KIF13A: variants seen among roughly 807,000 people sequenced by gnomAD.
KIF13A encodes the protein kinesin-like protein KIF13A.
A neutral mutation model predicts 212.2 loss-of-function variants in KIF13A; 79 were observed. That is an observed-to-expected ratio of 0.37 (90% CI 0.31 to 0.45). The LOEUF is 0.45. KIF13A is among the 20% of genes least tolerant of loss of function. KIF13A has a pLI of 1.00. For missense variants in KIF13A, 1,901 were observed against 2,209.0 expected (o/e 0.86, Z 2.79); for synonymous variants, 789 against 808.6 (o/e 0.98, Z 0.41).
chr6:17,847,062 G>C (rs1767138581), intron 9 of KIF13A, among the ~76,000 whole-genome samples: 1 of 152,182 alleles, frequency 6.6e-6, no homozygotes, highest in African/African-American at 2.4e-5. Flanking sequence ...TCAGAATAGT[G>C]CCTGGCATTA....
chr6:17,958,933 T>G (rs1321792401), intron 2 of KIF13A, among the ~76,000 whole-genome samples: 5 of 142,496 alleles, frequency 3.5e-5, no homozygotes. Flanking sequence ...CAGGCTAGAG[T>G]GCAGTAGTGC....
chr6:17,906,455 T>TC (rs1403696737), intron 2 of KIF13A, among the ~76,000 whole-genome samples: 106 of 141,210 alleles, frequency 7.5e-4, no homozygotes, highest in Middle Eastern at 3.8e-3. Flanking sequence ...TCTTTCTTCT[T>TC]TTTTTTTTTT....
chr6:17,888,681 T>C lies in KIF13A; in HGVS notation c.159+9487A>G, dbSNP rs1771769039. ...TCTACCAAAAAATACAAAAATTAGC[T>C]GGGCGTGGTGGCACAGGCCTGTAGT... On this transcript the variant is annotated intron_variant, in intron 3 of 38. Coordinates refer to ENST00000259711, the MANE Select transcript of KIF13A (RefSeq NM_022113.6). This position sits in a 1 kb window ranked among gnomAD's most constrained non-coding sequence, Gnocchi z 4.8. 6.6e-6 allele frequency among the ~76,000 whole-genome samples: 1 copy of C among 151,934 alleles called. No homozygotes were observed. Among genetic ancestry groups the C allele is most frequent in the African/African-American group, 2.4e-5 (1 of 41,362 alleles).
rs112306434 is a variant in KIF13A at position 17,868,210 on chromosome 6, G to C, written c.220+5167C>G. Reference sequence around the variant, plus strand: ...ACTGACCCCAGATATGCCACTACCAGACTGCTTTTTTTTTATTTTTGATAT... The same window carrying C: ...ACTGACCCCAGATATGCCACTACCACACTGCTTTTTTTTTATTTTTGATAT... On this transcript the variant is annotated intron_variant, in intron 4 of 38. Coordinates refer to ENST00000259711, the MANE Select transcript of KIF13A (RefSeq NM_022113.6). Among the ~76,000 whole-genome samples the C allele has an allele frequency of 7.0e-3, 1,071 of 152,316 alleles. 15 individuals carry two copies. Among genetic ancestry groups the C allele is most frequent in the African/African-American group, 0.024 (1,006 of 41,562 alleles).
rs751848846 is a variant in KIF13A at position 17,850,515 on chromosome 6, A to G, written c.583-58T>C. 5 of 1,514,724 alleles carry G rather than the reference A, an allele frequency of 3.3e-6. No individual in the cohort carries two copies. Among genetic ancestry groups the G allele is most frequent in the Non-Finnish European group, 4.5e-6 (5 of 1,119,816 alleles). 93.8% of individuals were successfully genotyped at this position (1,514,724 alleles called of 1,614,324 possible). On this transcript the variant is annotated intron_variant, in intron 7 of 38. Transcript: ENST00000259711. This position sits in a 1 kb window ranked among gnomAD's most constrained non-coding sequence, Gnocchi z 6.2. The stretch of plus-strand genomic sequence containing the variant: ...CAAAAACACAAGAATGTAGTCCTGC[A>G]CACCAGGTATATGTATTAATTATGA...
At chr6:17,866,826 CGCATATATATATATATAT>C (rs1262972341) in intron 4 of KIF13A, among the ~76,000 whole-genome samples, 1,936 of 122,094 alleles carry the variant, frequency 0.016, 154 homozygotes, top group African/African-American at 0.058. Context: ...AAAAAAGCAG[CGCATATATATATATATAT>C]ATATATATAT....
intron 2 of KIF13A, among the ~76,000 whole-genome samples, chr6:17,905,028 C>A (rs1773373298): frequency 6.6e-6 from 1 of 152,250 alleles, no homozygotes; most frequent in African/African-American, 2.4e-5. Context: ...ACTTGCCCAA[C>A]CCGTGGCCTA....
rs1177668974 is a variant in KIF13A, at chr6:17,789,071, T to G, written c.3261+801A>C. Among the ~76,000 whole-genome samples, 1 of 152,164 alleles carries G rather than the reference T, an allele frequency of 6.6e-6. No homozygotes were observed. Among genetic ancestry groups the G allele is most frequent in the Admixed American group, 6.5e-5 (1 of 15,274 alleles). ...GGAAGGCACACTGGGAAAACATCCT[T>G]TGAAGATGTGTATGGAGAATCCGTA... On this transcript the variant is annotated intron_variant, in intron 26 of 38. Transcript: ENST00000259711. The surrounding 1 kb of genome is among the most constrained non-coding windows in gnomAD (Gnocchi z 4.8).
At chr6:17,875,201 A>C (rs994623223) in intron 3 of KIF13A, among the ~76,000 whole-genome samples, 3 of 151,964 alleles carry the variant, frequency 2.0e-5, no homozygotes, top group African/African-American at 7.2e-5. Context: ...TGGTAGTTCT[A>C]CTTTTAGTTC....
rs1452581468 is a variant in KIF13A, at chr6:17,919,740, C to A, written c.147-21560G>T. Among the ~76,000 whole-genome samples the A allele has an allele frequency of 6.6e-6, 1 of 152,112 alleles. No homozygotes were observed. ...CAGCCGAACGGTGTCTCCTGGCAGCCCAATACTGTGACAAGAGGTGAAAGC... is the reference window on the plus strand; with the variant it reads ...CAGCCGAACGGTGTCTCCTGGCAGCACAATACTGTGACAAGAGGTGAAAGC... On this transcript the variant is annotated intron_variant, in intron 2 of 38. Transcript: ENST00000259711. This position sits in a 1 kb window ranked among gnomAD's most constrained non-coding sequence, Gnocchi z 4.1.
rs985609407 is a variant in KIF13A, at chr6:17,934,212, A to C, written c.147-36032T>G. Reference sequence around the variant, plus strand: ...TTTCCATCTCTCACACTACTGTCTAATGGCCACAGGACATTGGCCTTCTTC... The same window carrying C: ...TTTCCATCTCTCACACTACTGTCTACTGGCCACAGGACATTGGCCTTCTTC... On this transcript the variant is annotated intron_variant, in intron 2 of 38. Transcript: ENST00000259711. The surrounding 1 kb of genome is among the most constrained non-coding windows in gnomAD (Gnocchi z 5.4). 2.0e-5 allele frequency among the ~76,000 whole-genome samples: 3 copies of C among 152,302 alleles called. No individual in the cohort carries two copies. Among genetic ancestry groups the C allele is most frequent in the Non-Finnish European group, 2.9e-5 (2 of 68,030 alleles).
In KIF13A at chr6:17,984,477, CA is replaced by C; in HGVS notation, c.146+2576del. 1 of 980,004 alleles carries C rather than the reference CA, an allele frequency of 1.0e-6. No individual in the cohort carries two copies. The highest frequency in any genetic ancestry group is 1.2e-6 in the Non-Finnish European group (1 of 825,052). The allele number at this position is 980,004 out of a possible 1,614,324, so 60.7% of individuals were successfully genotyped here. A position where few individuals can be genotyped will look rare whatever the true frequency, so the allele number is the denominator to read the frequency against. On this transcript the variant is annotated intron_variant, in intron 2 of 38. Transcript: ENST00000259711. This position sits in a 1 kb window ranked among gnomAD's most constrained non-coding sequence, Gnocchi z 5.0. ...TATTACAATACTAGAATTTCAGCAA[CA>C]AAACAAACATCTTTAACCTCAGAGA...
intron 2 of KIF13A, among the ~76,000 whole-genome samples, chr6:17,920,580 A>C (rs531325149): frequency 6.6e-6 from 1 of 152,182 alleles, no homozygotes; most frequent in African/African-American, 2.4e-5. Context: ...CTTTCATGTA[A>C]AAGTAATATG....
chr6:17,774,932 C>T (rs1759809657), intron 35 of KIF13A, 83 bp downstream of exon 35: 1 of 1,047,098 alleles, frequency 9.6e-7, no homozygotes, highest in Non-Finnish European at 1.4e-6. Flanking sequence ...AGGTGAGGCC[C>T]AGAGATTTTA....
intron 11 of KIF13A, among the ~76,000 whole-genome samples, chr6:17,835,029 A>G (rs1414681374): frequency 2.0e-5 from 3 of 151,834 alleles, no homozygotes; most frequent in Non-Finnish European, 4.4e-5. Flanking sequence ...AAATACAAAA[A>G]AAATTCACTG....
rs1405794030 is a variant in KIF13A, at chr6:17,895,885, T to A, written c.159+2283A>T. On this transcript the variant is annotated intron_variant, in intron 3 of 38. Coordinates refer to ENST00000259711, the MANE Select transcript of KIF13A (RefSeq NM_022113.6). The surrounding 1 kb of genome is among the most constrained non-coding windows in gnomAD (Gnocchi z 4.4). ...GAAAAGGCAATGCTAATTACCTAGT[T>A]TGTCATTTCTGACAGCAGAAGTCTG... is the stretch of plus-strand genomic sequence containing the variant. Among the ~76,000 whole-genome samples the A allele has an allele frequency of 6.6e-6, 1 of 152,220 alleles. No individual in the cohort carries two copies. Among genetic ancestry groups the A allele is most frequent in the Non-Finnish European group, 1.5e-5 (1 of 68,036 alleles).
chr6:17,977,055 C>G (rs1197890419), intron 2 of KIF13A, among the ~76,000 whole-genome samples: 6 of 149,106 alleles, frequency 4.0e-5, no homozygotes, highest in South Asian at 2.1e-4. Flanking sequence ...TGAGCCGAGA[C>G]TGCGCCACTG....
intron 4 of KIF13A, 74 bp downstream of exon 4, chr6:17,873,303 G>T: frequency 4.1e-6 from 4 of 966,344 alleles, no homozygotes; most frequent in Non-Finnish European, 6.3e-6. Flanking sequence ...AACTCCAGAG[G>T]AATTAAAGAA....
rs985456705 is a variant in KIF13A, at chr6:17,794,529, CAGAG to C, written c.3075+39_3075+42del. The C allele has an allele frequency of 3.2e-6, 5 of 1,579,562 alleles. No individual in the cohort carries two copies. The highest frequency in any genetic ancestry group is 4.3e-6 in the Non-Finnish European group (5 of 1,166,566). ...CCAGAAACAATGTGTAAGAGTGGAA[CAGAG>C]AGAAAACATTAAAAAAAAACCCAAA... On this transcript the variant is annotated intron_variant, in intron 24 of 38. Coordinates refer to ENST00000259711, the MANE Select transcript of KIF13A (RefSeq NM_022113.6). This position sits in a 1 kb window ranked among gnomAD's most constrained non-coding sequence, Gnocchi z 4.1.
Sources: allele counts gnomAD v4.1 joint callset (sites outside exome capture counted in the v4.1 genomes callset), GRCh38; gene constraint gnomAD v4.1.1; non-coding constraint Gnocchi (gnomAD v3.1); transcripts MANE v1.5; gene names NCBI Gene and HGNC (gene_info 2026-07-23, HGNC 2026-07-21).